Variants in MTIF2 observed in about 807,000 individuals in gnomAD.
MTIF2 encodes mitochondrial translational initiation factor 2, also known as translation initiation factor IF-2, mitochondrial.
MTIF2 carries 71 observed loss-of-function variants against 83.5 expected under a neutral mutation model. That is an observed-to-expected ratio of 0.85 (90% CI 0.70 to 1.04). The LOEUF (loss-of-function observed/expected upper bound fraction) is 1.04. Among genes scored for constraint, MTIF2 ranks in the 50% least tolerant of loss-of-function variants. The pLI, the probability that MTIF2 is intolerant of heterozygous loss-of-function variation, is 0.00. For missense variants in MTIF2, 957 were observed against 846.5 expected, an observed-to-expected ratio of 1.13 and a Z score of -1.62; for synonymous variants, 319 against 287.1, an observed-to-expected ratio of 1.11 and a Z score of -1.12.
chr2:55,252,728 T>C (rs1677193091), intron 7 of MTIF2, 75 bp from the exon 8 acceptor site: 6 of 1,016,248 alleles, frequency 5.9e-6, no homozygotes, highest in Non-Finnish European at 8.6e-6. Context: ...ATATGCGACA[T>C]TATCAGAAAC....
At chr2:55,246,038 T>C (rs1676672127) in intron 10 of MTIF2, among the ~76,000 whole-genome samples, 2 of 152,158 alleles carry the variant, frequency 1.3e-5, no homozygotes, top group South Asian at 4.1e-4. Context: ...ATGTTATCTA[T>C]AAGACTTTAC....
At chr2:55,258,461 G>C (rs1558575872) in intron 5 of MTIF2, among the ~76,000 whole-genome samples, 1 of 152,220 alleles carries the variant, frequency 6.6e-6, no homozygotes, top group South Asian at 2.1e-4. Context: ...CTGAGGTCAG[G>C]AGTTCGAGAC....
In MTIF2 at chr2:55,243,086, T is replaced by G. The variant is rs1290286864; in HGVS notation, c.1565-6A>C. The G allele has an allele frequency of 8.2e-6, 13 of 1,584,476 alleles. No individual in the cohort carries two copies. The highest frequency in any genetic ancestry group is 1.0e-5 in the Non-Finnish European group (12 of 1,170,564). On this transcript the variant is annotated splice_polypyrimidine_tract_variant and splice_region_variant and intron_variant, in intron 12 of 15. Transcript: ENST00000263629. ...AACAGAACCATCAACATCACCTAAATACAGAAAAAGTTTATAATTGTTGCT... is the reference window on the plus strand; with the variant it reads ...AACAGAACCATCAACATCACCTAAAGACAGAAAAAGTTTATAATTGTTGCT...
At chr2:55,265,688 A>G (rs1678379153) in intron 3 of MTIF2, among the ~76,000 whole-genome samples, 2 of 152,024 alleles carry the variant, frequency 1.3e-5, no homozygotes, top group South Asian at 2.1e-4. Flanking sequence ...GCTTTTATCT[A>G]TTTTACTCAC....
intron 5 of MTIF2, among the ~76,000 whole-genome samples, chr2:55,260,559 G>A (rs1407031096): frequency 6.6e-6 from 1 of 152,172 alleles, no homozygotes; most frequent in East Asian, 1.9e-4. Flanking sequence ...TAATGTGGTT[G>A]ATGAGTAACA....
In MTIF2 at chr2:55,262,400, A is replaced by G; in HGVS notation, c.247T>C (p.Ser83Pro). The change falls in exon 5 of 16, where the codon TCT becomes CCT. Residue 83 changes from serine (S) to proline (P), a missense_variant. Ser to Pro is a moderately conservative substitution (Grantham distance 74, BLOSUM62 -1). Around this residue, in one of 3 missense-constraint regions of MTIF2, gnomAD observed 733 missense variants for 648.7 expected, o/e 1.13. Coordinates refer to ENST00000263629, the MANE Select transcript of MTIF2 (RefSeq NM_002453.3). ...KEEGPWKSQL[S>P]STKSKKVVEV... ...ACCACCTTTTTAGATTTTGTTGAAG[A>G]TAACTGAGATTTCCATGGTCCTTCT... is the stretch of plus-strand genomic sequence containing the variant. The G allele has an allele frequency of 1.9e-6, 3 of 1,613,132 alleles. No individual in the cohort carries two copies. The East Asian group carries it at 6.7e-5, about 36-fold the overall frequency.
chr2:55,241,825 A>C (rs1193429933), intron 13 of MTIF2, among the ~76,000 whole-genome samples: 1 of 152,108 alleles, frequency 6.6e-6, no homozygotes, highest in Non-Finnish European at 1.5e-5. Flanking sequence ...CCTGGTTGAC[A>C]AAAGCAAAAC....
chr2:55,249,639 T>C, intron 8 of MTIF2, 105 bp from the exon 9 acceptor site: 1 of 1,386,460 alleles, frequency 7.2e-7, no homozygotes. Flanking sequence ...CTTTATTCAG[T>C]GGATGTTTTT....
intron 9 of MTIF2, 36 bp downstream of exon 9, chr2:55,249,359 C>T (rs760184919): frequency 1.7e-5 from 28 of 1,609,094 alleles, no homozygotes; most frequent in South Asian, 7.8e-5. Flanking sequence ...ACAGCATTCC[C>T]ATCCAGGCAT....
rs761452885 is a variant in MTIF2 at position 55,236,652 on chromosome 2, A to G, written c.2180T>C (p.Phe727Ser). Residue 727 changes from phenylalanine (F) to serine (S), a missense_variant, in exon 16 of 16, where the codon TTT (phenylalanine) becomes TCT (serine). Around this residue, in one of 3 missense-constraint regions of MTIF2, gnomAD observed 221 missense variants for 180.6 expected, o/e 1.22. Transcript: ENST00000263629. ...ATTTACATTTTTAATGTAATTTTAA[A>G]ATCCTGGATCCCAAGAAGTCTTGGC... Reference protein sequence around the residue: ...IQAKTSWDPGF With the variant: ...IQAKTSWDPGS 3 of 1,582,134 alleles carry G rather than the reference A, an allele frequency of 1.9e-6. No individual in the cohort carries two copies. The highest frequency in any genetic ancestry group is 2.6e-6 in the Non-Finnish European group (3 of 1,170,222).
chr2:55,263,814 G>C lies in MTIF2; in HGVS notation c.45C>G (p.His15Gln). The stretch of plus-strand genomic sequence containing the variant: ...GACTGTGCAGTTGCCTATAAATAGT[G>C]TGAAATCGTAGCAAGTTCTCCAACT... ...LLKLENLLRF[H>Q]TIYRQLHSLC... The change falls in exon 4 of 16, where the codon CAC becomes CAG. Residue 15 changes from histidine (H) to glutamine (Q), a missense_variant. This residue lies in a region of MTIF2 where 733 missense variants were observed against 648.7 expected (regional missense o/e 1.13). Transcript: ENST00000263629. 6.2e-7 allele frequency: 1 copy of C among 1,613,910 alleles called. No individual in the cohort carries two copies. Among genetic ancestry groups the C allele is most frequent in the African/African-American group, 1.3e-5 (1 of 74,958 alleles).
intron 5 of MTIF2, among the ~76,000 whole-genome samples, chr2:55,256,328 A>ACACAATAT (rs149034173): frequency 0.069 from 9,623 of 138,530 alleles, 992 homozygotes; most frequent in African/African-American, 0.23. Flanking sequence ...ACACACACAC[A>ACACAATAT]ATATATATCT....
At chr2:55,252,058 C>A (rs375668612) in intron 8 of MTIF2, among the ~76,000 whole-genome samples, 243 of 152,282 alleles carry the variant, frequency 1.6e-3, no homozygotes, top group Non-Finnish European at 2.7e-3. Flanking sequence ...TTATTTAAAG[C>A]AGAAGGGAAA....
At chr2:55,246,507 C>T in intron 9 of MTIF2, 46 bp from the exon 10 acceptor site, 1 of 1,532,220 alleles carries the variant, frequency 6.5e-7, no homozygotes, top group Non-Finnish European at 9.0e-7. Flanking sequence ...TAAATATTAT[C>T]TGTAAATGTA....
chr2:55,249,938 CA>C (rs1676976294), intron 8 of MTIF2, among the ~76,000 whole-genome samples: 1 of 151,920 alleles, frequency 6.6e-6, no homozygotes, highest in Non-Finnish European at 1.5e-5. Context: ...CTAAAAAATA[CA>C]AAAATTAGCC....
chr2:55,254,304 A>C lies in MTIF2; in HGVS notation c.504-103T>G, dbSNP rs1439312873. The C allele has an allele frequency of 3.0e-6, 4 of 1,315,030 alleles. No individual in the cohort carries two copies. In the African/African-American group the frequency reaches 5.9e-5, roughly 20 times the overall value. 81.5% of individuals were successfully genotyped at this position (1,315,030 alleles called of 1,614,324 possible). A position where few individuals can be genotyped will look rare whatever the true frequency, so the allele number is the denominator to read the frequency against. On this transcript the variant is annotated intron_variant, in intron 6 of 15. Coordinates refer to ENST00000263629, the MANE Select transcript of MTIF2 (RefSeq NM_002453.3). The stretch of plus-strand genomic sequence containing the variant: ...CCCTGTGAACTACCATTAACAATAA[A>C]ACCCAATATTCAGTGTGGATTAGAC...
At chr2:55,268,778 G>A (rs1412072270) in intron 1 of MTIF2, 39 bp from the exon 2 acceptor site, 2 of 152,234 alleles carry the variant, frequency 1.3e-5, no homozygotes, top group East Asian at 3.8e-4. Flanking sequence ...TTGCGTTAGG[G>A]AAAACGTCTG....
intron 7 of MTIF2, among the ~76,000 whole-genome samples, chr2:55,253,724 A>C (rs907704817): frequency 7.6e-5 from 10 of 132,302 alleles, no homozygotes; most frequent in African/African-American, 2.7e-4. Flanking sequence ...CTGAGGCAGG[A>C]GAACTGCTTG....
At chr2:55,242,504 T>C (rs1325624858) in intron 13 of MTIF2, among the ~76,000 whole-genome samples, 1 of 152,148 alleles carries the variant, frequency 6.6e-6, no homozygotes, top group Non-Finnish European at 1.5e-5. Flanking sequence ...AAAGATACGA[T>C]GTATAAAGTT....
Sources: gnomAD v4.1 joint callset for allele counts (sites outside exome capture counted in the v4.1 genomes callset) on GRCh38, gnomAD v4.1.1 for gene constraint, gnomAD v4.1.1 regional missense constraint, MANE v1.5 for transcripts, NCBI Gene and HGNC (gene_info 2026-07-23, HGNC 2026-07-21) for gene names.